Variants in LCOR observed in about 807,000 individuals in gnomAD.
LCOR encodes ligand dependent nuclear receptor corepressor.
In LCOR, 14 loss-of-function variants were observed where a neutral mutation model predicts 64.4. The ratio of observed to expected loss-of-function variants is 0.22; its 90% CI spans 0.14 to 0.34. The LOEUF is 0.34. LCOR is among the 10% of genes least tolerant of loss of function. LCOR has a pLI of 1.00. For synonymous variants in LCOR, 643 were observed against 642.5 expected, an observed-to-expected ratio of 1.00 and a Z score of -0.01; for missense variants, 1,686 against 1,765.3, an observed-to-expected ratio of 0.96 and a Z score of 0.80.
chr10:96,874,911 C>T (rs1398836978), intron 2 of LCOR, among the ~76,000 whole-genome samples: 1 of 151,970 alleles, frequency 6.6e-6, no homozygotes. Flanking sequence ...GCTGAGATTA[C>T]AGATGTGAGC....
At chr10:96,957,017 T>C (rs1037076542) in intron 7 of LCOR, 14 of 985,166 alleles carry the variant, frequency 1.4e-5, no homozygotes, top group Non-Finnish European at 1.7e-5. Flanking sequence ...GAAGGATCCA[T>C]GTTTGTAGTG....
intron 2 of LCOR, among the ~76,000 whole-genome samples, chr10:96,857,406 G>A (rs1406226541): frequency 6.6e-6 from 1 of 152,180 alleles, no homozygotes; most frequent in Non-Finnish European, 1.5e-5. Context: ...GTTAACAGTT[G>A]TGTGAATTGA....
Position 96,881,149 on chromosome 10 carries a change from A to G in LCOR, c.-329-26116A>G, listed in dbSNP as rs538626326. Among the ~76,000 whole-genome samples, 13 of 152,248 alleles carry G rather than the reference A, an allele frequency of 8.5e-5. No individual in the cohort carries two copies. In the South Asian group the frequency reaches 2.1e-3, roughly 24 times the overall value. Reference sequence around the variant, plus strand: ...TATTTATTATCTGGCCTTTTACAGAAAAGGTTTGTCTGACTCTCCTGGAGA... The same window carrying G: ...TATTTATTATCTGGCCTTTTACAGAGAAGGTTTGTCTGACTCTCCTGGAGA... On this transcript the variant is annotated intron_variant, in intron 2 of 7. Transcript: ENST00000421806.
rs576043629 is a variant in LCOR, at chr10:96,842,038, C to T, written c.-330+8559C>T. Among the ~76,000 whole-genome samples the T allele has an allele frequency of 2.6e-5, 4 of 152,060 alleles. No homozygotes were observed. The East Asian group carries it at 5.8e-4, about 22-fold the overall frequency. ...ATTATTGTGTATAGTTCTCTTAGTA[C>T]GTGATTTTTTAGAGTTTTGCAGAAG... On this transcript the variant is annotated intron_variant, in intron 2 of 7. Coordinates refer to ENST00000421806, the MANE Select transcript of LCOR (RefSeq NM_001346516.2).
chr10:96,944,424 C>A (rs893693360), intron 5 of LCOR, among the ~76,000 whole-genome samples, 179 bp downstream of exon 5: 1 of 152,082 alleles, frequency 6.6e-6, no homozygotes, highest in East Asian at 1.9e-4. Flanking sequence ...AAACCCTGTT[C>A]CCCACATTTA....
intron 6 of LCOR, 82 bp from the exon 7 acceptor site, chr10:96,952,021 C>G: frequency 1.1e-6 from 1 of 933,332 alleles, no homozygotes; most frequent in South Asian, 1.4e-5. Context: ...GCCTGCTTAA[C>G]TGCTTTTTCA....
At chr10:96,854,281 C>T (rs746466817) in intron 2 of LCOR, among the ~76,000 whole-genome samples, 16 of 152,010 alleles carry the variant, frequency 1.1e-4, no homozygotes, top group African/African-American at 2.7e-4. Flanking sequence ...TTACATGGAG[C>T]GAAAAAGAAT....
rs762257326 is a variant in LCOR, at chr10:96,949,125, G to A, written c.68G>A (p.Ser23Asn). 6 of 1,613,860 alleles carry A rather than the reference G, an allele frequency of 3.7e-6. No homozygotes were observed. The African/African-American group carries it at 8.0e-5, about 22-fold the overall frequency. ...AAAAATAGCTCTACTCAGGACCCCAGCCAGCCCAATAGCACAAAGAACCAA... is the reference window on the plus strand; with the variant it reads ...AAAAATAGCTCTACTCAGGACCCCAACCAGCCCAATAGCACAAAGAACCAA... The part of the protein sequence containing the change: ...TSKNSSTQDP[S>N]QPNSTKNQSL... Residue 23 changes from serine to asparagine, a missense_variant, in exon 6 of 8, where the codon AGC becomes AAC. Transcript: ENST00000421806.
intron 7 of LCOR, among the ~76,000 whole-genome samples, chr10:96,967,108 TC>T (rs1847959002): frequency 6.6e-6 from 1 of 152,206 alleles, no homozygotes; most frequent in Admixed American, 6.5e-5. Flanking sequence ...TGTTCGTTGT[TC>T]ATCAGCAGTA....
intron 2 of LCOR, among the ~76,000 whole-genome samples, chr10:96,847,783 A>T (rs1259708077): frequency 6.6e-6 from 1 of 152,180 alleles, no homozygotes; most frequent in Non-Finnish European, 1.5e-5. Flanking sequence ...TGAATTACCT[A>T]CAAACTTTGA....
chr10:96,967,516 G>T (rs1847962086), intron 7 of LCOR, among the ~76,000 whole-genome samples: 1 of 152,184 alleles, frequency 6.6e-6, no homozygotes, highest in Admixed American at 6.5e-5. Flanking sequence ...GGGTGTTACA[G>T]ACTGAATGGT....
At chr10:96,914,426 A>C (rs983003760) in intron 4 of LCOR, among the ~76,000 whole-genome samples, 12 of 152,096 alleles carry the variant, frequency 7.9e-5, no homozygotes, top group African/African-American at 2.7e-4. Flanking sequence ...CGAACTCCTG[A>C]CCTCAGGTGA....
At chr10:96,931,766 G>C (rs1026444485) in intron 4 of LCOR, among the ~76,000 whole-genome samples, 2 of 152,108 alleles carry the variant, frequency 1.3e-5, no homozygotes, top group Non-Finnish European at 2.9e-5. Flanking sequence ...TGTTTCAGCA[G>C]CAGCAGTTAG....
intron 7 of LCOR, among the ~76,000 whole-genome samples, chr10:96,970,125 C>G (rs375609010): frequency 6.7e-6 from 1 of 149,888 alleles, no homozygotes; most frequent in South Asian, 2.2e-4. Context: ...AGGCTGGGTG[C>G]GGTGGGTCAC....
intron 2 of LCOR, among the ~76,000 whole-genome samples, chr10:96,904,420 T>C (rs561262372): frequency 2.5e-4 from 38 of 152,238 alleles, no homozygotes; most frequent in Admixed American, 5.2e-4. Flanking sequence ...GCAGTTTTGA[T>C]TGCCGAATTT....
intron 2 of LCOR, among the ~76,000 whole-genome samples, chr10:96,890,134 G>C (rs140196014): frequency 6.6e-6 from 1 of 151,874 alleles, no homozygotes; most frequent in Non-Finnish European, 1.5e-5. Context: ...ATGGAGTCTC[G>C]CTGTGTCGCC....
rs534722360 is a variant in LCOR, at chr10:96,912,009, G to A, written c.-184+4262G>A. On this transcript the variant is annotated intron_variant, in intron 4 of 7. Coordinates refer to ENST00000421806, the MANE Select transcript of LCOR (RefSeq NM_001346516.2). ...TACAGAGGCATGATCTCGGCTCACT[G>A]CACCCTCCACCTCCCTGGTTCAAGC... Among the ~76,000 whole-genome samples, 52 of 151,920 alleles carry A rather than the reference G, an allele frequency of 3.4e-4. 1 individual carries two copies. The highest frequency in any genetic ancestry group is 1.1e-3 in the African/African-American group (46 of 41,456).
chr10:96,911,617 G>A (rs1846836343), intron 4 of LCOR, among the ~76,000 whole-genome samples: 1 of 152,156 alleles, frequency 6.6e-6, no homozygotes, highest in Non-Finnish European at 1.5e-5. Context: ...TTGGAAAGAG[G>A]GAGGGAATCC....
At chr10:96,866,524 A>G (rs1021832888) in intron 2 of LCOR, among the ~76,000 whole-genome samples, 1 of 152,136 alleles carries the variant, frequency 6.6e-6, no homozygotes, top group Non-Finnish European at 1.5e-5. Context: ...CTAGAAGTGG[A>G]ATTGCTGGGT....
Sources: allele counts gnomAD v4.1 joint callset (sites outside exome capture counted in the v4.1 genomes callset), GRCh38; gene constraint gnomAD v4.1.1; transcripts MANE v1.5; gene names NCBI Gene and HGNC (gene_info 2026-07-23, HGNC 2026-07-21).